The following TULP3 variants were observed in gnomAD, a reference collection of about 807,000 sequenced individuals.
TULP3 encodes the protein TUB like protein 3.
Under a neutral mutation model 50.7 loss-of-function variants are expected in TULP3, and 38 were observed. That is an observed-to-expected ratio of 0.75 (90% CI 0.58 to 0.98). The LOEUF is 0.98. TULP3 is among the 50% of genes least tolerant of loss of function. The pLI is 0.00. For synonymous variants in TULP3, 183 were observed against 196.6 expected (o/e 0.93, Z 0.58); for missense variants, 550 against 568.0 (o/e 0.97, Z 0.32).
intron 1 of TULP3, among the ~76,000 whole-genome samples, chr12:2,891,843 C>G (rs3819886): frequency 0.16 from 24,957 of 152,010 alleles, 2,399 homozygotes; most frequent in South Asian, 0.26. Context: ...CGCTTGGTCT[C>G]AGGAGTTCGA....
chr12:2,908,989 T>G (rs899957115), intron 1 of TULP3, among the ~76,000 whole-genome samples: 5 of 152,190 alleles, frequency 3.3e-5, no homozygotes, highest in Non-Finnish European at 4.4e-5. Flanking sequence ...GTGAAATTTT[T>G]CCCGTCTTAG....
At chr12:2,896,779 G>A (rs918462492) in intron 1 of TULP3, among the ~76,000 whole-genome samples, 8 of 152,010 alleles carry the variant, frequency 5.3e-5, no homozygotes, top group Non-Finnish European at 8.8e-5. Flanking sequence ...CCTTTCTCCC[G>A]AAATTCATTT....
At chr12:2,898,192 C>T (rs1372359918) in intron 1 of TULP3, among the ~76,000 whole-genome samples, 2 of 151,872 alleles carry the variant, frequency 1.3e-5, no homozygotes, top group Admixed American at 6.6e-5. Flanking sequence ...ATTGTCCTCA[C>T]TTTGTAAATT....
chr12:2,897,750 C>T (rs1243776358), intron 1 of TULP3, among the ~76,000 whole-genome samples: 1 of 149,738 alleles, frequency 6.7e-6, no homozygotes, highest in Admixed American at 6.7e-5. Context: ...GCCACTCTGC[C>T]TGGCCCGAGA....
At chr12:2,918,224 C>T (rs1335636483) in intron 2 of TULP3, among the ~76,000 whole-genome samples, 1 of 151,972 alleles carries the variant, frequency 6.6e-6, no homozygotes, top group Non-Finnish European at 1.5e-5. Context: ...AGTGATTCTC[C>T]TGCCTCAGCC....
Position 2,939,937 on chromosome 12 carries a change from A to T in TULP3, c.*493A>T. The T allele has an allele frequency of 7.9e-7, 1 of 1,271,470 alleles. No individual in the cohort carries two copies. The highest frequency in any genetic ancestry group is 1.2e-5 in the South Asian group (1 of 80,330). 78.8% of individuals were successfully genotyped at this position (1,271,470 alleles called of 1,614,324 possible). ...TTGTCACATTGGGGTCTCCAAAGCT[A>T]GAATGGGATTTCATGTGCTTGGAAA... On this transcript the variant is annotated 3_prime_UTR_variant, in exon 11 of 11. Coordinates refer to ENST00000448120, the MANE Select transcript of TULP3 (RefSeq NM_003324.5). The surrounding 1 kb of genome is among the most constrained non-coding windows in gnomAD (Gnocchi z 4.0).
chr12:2,939,548 C>T lies in TULP3; in HGVS notation c.*104C>T. On this transcript the variant is annotated 3_prime_UTR_variant, in exon 11 of 11. Transcript: ENST00000448120. This position sits in a 1 kb window ranked among gnomAD's most constrained non-coding sequence, Gnocchi z 4.0. ...CCAGGACTTAAAGAGCAATAGTTTG[C>T]CCCTTTTGGAATGATCTCTGAATAT... 2 of 1,522,680 alleles carry T rather than the reference C, an allele frequency of 1.3e-6. No homozygotes were observed. Among genetic ancestry groups the T allele is most frequent in the Non-Finnish European group, 1.8e-6 (2 of 1,142,502 alleles). The allele number at this position is 1,522,680 out of a possible 1,614,324, so 94.3% of individuals were successfully genotyped here. A position where few individuals can be genotyped will look rare whatever the true frequency, so the allele number is the denominator to read the frequency against.
intron 1 of TULP3, among the ~76,000 whole-genome samples, chr12:2,906,263 C>T (rs950255354): frequency 6.7e-6 from 1 of 148,910 alleles, no homozygotes; most frequent in African/African-American, 2.6e-5. Context: ...AACTCCTGAC[C>T]TCGTGATCCG....
At chr12:2,906,062 G>A (rs1052835838) in intron 1 of TULP3, among the ~76,000 whole-genome samples, 29 of 144,582 alleles carry the variant, frequency 2.0e-4, no homozygotes, top group Middle Eastern at 3.5e-3. Context: ...AGAGAGTCTT[G>A]CACTGTCACC....
rs141208770 is a variant in TULP3 at position 2,901,285 on chromosome 12, A to ATTT, written c.42-8236_42-8234dup. Among the ~76,000 whole-genome samples, 37 of 115,376 alleles carry ATTT rather than the reference A, an allele frequency of 3.2e-4. 1 individual carries two copies. Among genetic ancestry groups the ATTT allele is most frequent in the East Asian group, 1.7e-3 (7 of 4,090 alleles). The allele number at this position is 115,376 out of a possible 152,430, so 75.7% of individuals were successfully genotyped here. ...CGCTCCACCACACCTGGCTAATTTG[A>ATTT]TTTTTTTTTTCTTTCTTTCTTTCTT... On this transcript the variant is annotated intron_variant, in intron 1 of 10. Coordinates refer to ENST00000448120, the MANE Select transcript of TULP3 (RefSeq NM_003324.5).
At chr12:2,910,901 A>G (rs2098185078) in intron 2 of TULP3, among the ~76,000 whole-genome samples, 2 of 152,202 alleles carry the variant, frequency 1.3e-5, no homozygotes. Flanking sequence ...AGCAAATTGT[A>G]TTTAGGGAGA....
chr12:2,929,528 T>G (rs10848745), intron 4 of TULP3, among the ~76,000 whole-genome samples: 70,824 of 152,016 alleles, frequency 0.47, 16,795 homozygotes, highest in East Asian at 0.56. Context: ...CCTCAAGCAG[T>G]CCTTCTGCCT....
chr12:2,936,508 T>C (rs2098201352), intron 8 of TULP3, among the ~76,000 whole-genome samples: 1 of 151,186 alleles, frequency 6.6e-6, no homozygotes, highest in South Asian at 2.1e-4. Context: ...CACAGCACCT[T>C]GGGAGGCCAA....
chr12:2,911,413 C>T (rs1053440443), intron 2 of TULP3, among the ~76,000 whole-genome samples: 7 of 151,030 alleles, frequency 4.6e-5, no homozygotes, highest in Non-Finnish European at 8.8e-5. Flanking sequence ...AGTGCAGTGG[C>T]GCAATCTTGC....
chr12:2,909,485 G>A (rs200133923), intron 1 of TULP3, 44 bp from the exon 2 acceptor site: 90 of 1,542,174 alleles, frequency 5.8e-5, no homozygotes, highest in African/African-American at 4.9e-4. Flanking sequence ...TTGACAAGGC[G>A]TTTTCTTTTT....
chr12:2,906,874 T>G (rs976558073), intron 1 of TULP3, among the ~76,000 whole-genome samples: 1 of 151,528 alleles, frequency 6.6e-6, no homozygotes, highest in Non-Finnish European at 1.5e-5. Context: ...CAAGATCACG[T>G]CATTGTACTC....
intron 2 of TULP3, among the ~76,000 whole-genome samples, chr12:2,911,664 CTTTTTTTTTTTTTTTTTTTTTTTTTT>C (rs56027951): frequency 5.2e-5 from 2 of 38,128 alleles, no homozygotes; most frequent in African/African-American, 9.1e-5. Context: ...TGCGCCCAGC[CTTTTTTTTTTTTTTTTTTTTTTTTTT>C]TTTTTTTTTT....
intron 2 of TULP3, among the ~76,000 whole-genome samples, chr12:2,911,512 C>A (rs1033960829): frequency 7.3e-6 from 1 of 136,316 alleles, no homozygotes; most frequent in African/African-American, 2.9e-5. Context: ...GCCACCACGC[C>A]AGGCTAATTT....
intron 1 of TULP3, among the ~76,000 whole-genome samples, chr12:2,892,438 G>C (rs1482267635): frequency 7.0e-6 from 1 of 142,284 alleles, no homozygotes; most frequent in Non-Finnish European, 1.5e-5. Flanking sequence ...CCAGATGTTT[G>C]ATATGACTCA....
Sources: allele counts gnomAD v4.1 joint callset (sites outside exome capture counted in the v4.1 genomes callset), GRCh38; gene constraint gnomAD v4.1.1; non-coding constraint Gnocchi (gnomAD v3.1); transcripts MANE v1.5; gene names NCBI Gene and HGNC (gene_info 2026-07-23, HGNC 2026-07-21).